GABBR2: variants seen among roughly 807,000 people sequenced by gnomAD.
GABBR2 encodes the protein gamma-aminobutyric acid type B receptor subunit 2.
In GABBR2, 23 loss-of-function variants were observed where a neutral mutation model predicts 105.6. That is an observed-to-expected ratio of 0.22 (90% CI 0.16 to 0.31). The LOEUF (loss-of-function observed/expected upper bound fraction) is 0.31. Ranked by LOEUF, GABBR2 falls within the 10% of genes least tolerant of loss-of-function variation. The probability of loss-of-function intolerance (pLI) is 1.00; values close to 1 mark genes in which losing one functional copy is unlikely to be tolerated. For synonymous variants in GABBR2, 478 were observed against 499.7 expected (o/e 0.96, Z 0.58); for missense variants, 734 against 1,245.5 (o/e 0.59, Z 6.18).
At chr9:98,305,214 G>A (rs144123674) in intron 15 of GABBR2, among the ~76,000 whole-genome samples, 2 of 152,252 alleles carry the variant, frequency 1.3e-5, no homozygotes, top group African/African-American at 4.8e-5. Flanking sequence ...TTCTCTTCAA[G>A]GTGGTCCTAA....
chr9:98,447,537 A>ATGTATG (rs367775614), intron 7 of GABBR2, among the ~76,000 whole-genome samples: 1 of 142,402 alleles, frequency 7.0e-6, no homozygotes, highest in African/African-American at 2.6e-5. Context: ...ACTAGTATGT[A>ATGTATG]TGTGTGTGTG....
intron 7 of GABBR2, among the ~76,000 whole-genome samples, chr9:98,447,816 G>T (rs1400913146): frequency 6.6e-6 from 1 of 151,462 alleles, no homozygotes; most frequent in Admixed American, 6.6e-5. Context: ...GGTAGGGTGG[G>T]TGGTGGGGTG....
chr9:98,392,718 C>A (rs967409723), intron 9 of GABBR2, among the ~76,000 whole-genome samples: 1 of 152,194 alleles, frequency 6.6e-6, no homozygotes, highest in African/African-American at 2.4e-5. Context: ...TTTCTGCTGA[C>A]CCACTGGAAT....
chr9:98,411,353 A>C (rs932688607), intron 7 of GABBR2, among the ~76,000 whole-genome samples: 2 of 152,248 alleles, frequency 1.3e-5, no homozygotes, highest in African/African-American at 4.8e-5. Flanking sequence ...ATTGCCATCC[A>C]TGTGAGCTTG....
chr9:98,695,476 A>T (rs1588286543), intron 1 of GABBR2, among the ~76,000 whole-genome samples: 1 of 152,152 alleles, frequency 6.6e-6, no homozygotes, highest in African/African-American at 2.4e-5. Context: ...GCTTAAAAAC[A>T]CCCCTTAACT....
At chr9:98,336,794 C>T (rs1831123413) in intron 13 of GABBR2, among the ~76,000 whole-genome samples, 1 of 148,742 alleles carries the variant, frequency 6.7e-6, no homozygotes, top group East Asian at 2.0e-4. Context: ...AATTGAAATG[C>T]AGAGATTGGC....
At chr9:98,698,309 A>G (rs576048707) in intron 1 of GABBR2, among the ~76,000 whole-genome samples, 49 of 152,234 alleles carry the variant, frequency 3.2e-4, no homozygotes, top group African/African-American at 1.1e-3. Flanking sequence ...TCTACCACTA[A>G]TTTTCTAGAT....
At chr9:98,682,364 ATCTTTTTTTTTTTTTTTTTTTTTT>A (rs1346759344) in intron 1 of GABBR2, among the ~76,000 whole-genome samples, 5 of 114,060 alleles carry the variant, frequency 4.4e-5, no homozygotes, top group African/African-American at 1.3e-4. Flanking sequence ...GGATTTTACC[ATCTTTTTTTTTTTTTTTTTTTTTT>A]TTTTTGAGAT....
intron 7 of GABBR2, among the ~76,000 whole-genome samples, chr9:98,453,684 G>T (rs1826274491): frequency 6.6e-6 from 1 of 152,202 alleles, no homozygotes; most frequent in South Asian, 2.1e-4. Context: ...ATAGCCAAAA[G>T]GATAGAACGC....
chr9:98,472,665 G>C (rs1826709022), intron 6 of GABBR2, among the ~76,000 whole-genome samples: 1 of 152,218 alleles, frequency 6.6e-6, no homozygotes, highest in South Asian at 2.1e-4. Flanking sequence ...GAGGCTTGGA[G>C]AACTCAGGTT....
intron 3 of GABBR2, among the ~76,000 whole-genome samples, chr9:98,511,222 A>C (rs985761206): frequency 9.9e-5 from 15 of 150,942 alleles, no homozygotes; most frequent in Admixed American, 3.3e-4. Flanking sequence ...ACAAAGACAC[A>C]ACATACCAGA....
intron 7 of GABBR2, among the ~76,000 whole-genome samples, chr9:98,428,200 G>C (rs1010478131): frequency 1.6e-4 from 24 of 152,354 alleles, no homozygotes; most frequent in African/African-American, 5.8e-4. Flanking sequence ...GGCAGATTGA[G>C]GGAGTAGACA....
rs139027240 is a variant in GABBR2, at chr9:98,633,751, G to A, written c.322-55679C>T. On this transcript the variant is annotated intron_variant, in intron 1 of 18. Coordinates refer to ENST00000259455, the MANE Select transcript of GABBR2 (RefSeq NM_005458.8). ...TGCAGGAGCCAGGGCGGGGAGGGAC[G>A]TGGAAGAGCCTTAGTCTGCAGTGCC... Among the ~76,000 whole-genome samples, 1,464 of 152,220 alleles carry A rather than the reference G, an allele frequency of 9.6e-3. 9 individuals carry two copies. The highest frequency in any genetic ancestry group is 0.023 in the South Asian group (111 of 4,812).
intron 4 of GABBR2, among the ~76,000 whole-genome samples, chr9:98,482,375 A>T (rs1444881441): frequency 1.3e-5 from 2 of 152,210 alleles, no homozygotes; most frequent in South Asian, 2.1e-4. Flanking sequence ...ACTTTAAAAG[A>T]TCGTTAACAG....
chr9:98,585,489 C>T lies in GABBR2; in HGVS notation c.322-7417G>A, dbSNP rs1186528376. On this transcript the variant is annotated intron_variant, in intron 1 of 18. Transcript: ENST00000259455. ...GGGAACATCACACACCGGGGACTGGCGTAGGGTGGGGGGAGTGGGGAGGGA... is the reference window on the plus strand; with the variant it reads ...GGGAACATCACACACCGGGGACTGGTGTAGGGTGGGGGGAGTGGGGAGGGA... Among the ~76,000 whole-genome samples the T allele has an allele frequency of 8.8e-3, 980 of 111,758 alleles. 10 individuals carry two copies. The highest frequency in any genetic ancestry group is 0.013 in the Non-Finnish European group (746 of 56,716). The allele number at this position is 111,758 out of a possible 152,430, so 73.3% of individuals were successfully genotyped here.
chr9:98,601,481 C>A (rs1352799729), intron 1 of GABBR2, among the ~76,000 whole-genome samples: 2 of 152,172 alleles, frequency 1.3e-5, no homozygotes, highest in Non-Finnish European at 2.9e-5. Flanking sequence ...AATGCCACTG[C>A]ACTCCAACCT....
intron 1 of GABBR2, among the ~76,000 whole-genome samples, chr9:98,585,441 T>C (rs1459130123): frequency 7.6e-6 from 1 of 132,060 alleles, no homozygotes; most frequent in Non-Finnish European, 1.5e-5. Flanking sequence ...AATTGAACAA[T>C]GAGAACACAT....
In GABBR2 at chr9:98,472,818, A is replaced by C. The variant is rs548182634; in HGVS notation, c.999+328T>G. ...CACAACTGAGAATGACATCTTAGGT[A>C]AAAGGAGCACGGGATGAACTTTTAC... On this transcript the variant is annotated intron_variant, in intron 6 of 18. Coordinates refer to ENST00000259455, the MANE Select transcript of GABBR2 (RefSeq NM_005458.8). 4.6e-5 allele frequency among the ~76,000 whole-genome samples: 7 copies of C among 152,256 alleles called. No homozygotes were observed. In the East Asian group the frequency reaches 1.2e-3, roughly 25 times the overall value.
At chr9:98,428,597 G>A (rs2131567166) in intron 7 of GABBR2, among the ~76,000 whole-genome samples, 1 of 152,350 alleles carries the variant, frequency 6.6e-6, no homozygotes, top group Middle Eastern at 3.4e-3. Context: ...GTTCTGTGAA[G>A]ATGGCTCTAT....
Sources: gnomAD v4.1 joint callset for allele counts (sites outside exome capture counted in the v4.1 genomes callset) on GRCh38, gnomAD v4.1.1 for gene constraint, MANE v1.5 for transcripts, NCBI Gene and HGNC (gene_info 2026-07-23, HGNC 2026-07-21) for gene names.